The following GALNT2 variants were observed in gnomAD, a reference collection of about 807,000 sequenced individuals.
GALNT2 encodes UDP-GalNAc:polypeptide N-acetylgalactosaminyltransferase 2.
Under a neutral mutation model 81.4 loss-of-function variants are expected in GALNT2, and 31 were observed. The ratio of observed to expected loss-of-function variants is 0.38; its 90% CI spans 0.29 to 0.51. GALNT2 has a LOEUF of 0.51. Ranked by LOEUF, GALNT2 falls within the 20% of genes least tolerant of loss-of-function variation. GALNT2 has a pLI of 0.87. For synonymous variants in GALNT2, 303 were observed against 287.4 expected (o/e 1.05, Z -0.55); for missense variants, 629 against 765.7 (o/e 0.82, Z 2.11).
intron 3 of GALNT2, among the ~76,000 whole-genome samples, chr1:230,206,159 C>T (rs4846928): frequency 0.29 from 43,713 of 151,984 alleles, 8,751 homozygotes; most frequent in East Asian, 0.73. Context: ...ACTTAACTTA[C>T]CCTGTGAGCT....
At chr1:230,219,688 C>G (rs1367950169) in intron 3 of GALNT2, among the ~76,000 whole-genome samples, 1 of 152,176 alleles carries the variant, frequency 6.6e-6, no homozygotes, top group Non-Finnish European at 1.5e-5. Flanking sequence ...CTTGAGACTT[C>G]TGACGTGGAT....
At chr1:230,249,777 T>C (rs1247103679) in intron 9 of GALNT2, among the ~76,000 whole-genome samples, 1 of 152,220 alleles carries the variant, frequency 6.6e-6, no homozygotes, top group Non-Finnish European at 1.5e-5. Context: ...CTCTTCCAAG[T>C]TGGCACACGG....
intron 1 of GALNT2, among the ~76,000 whole-genome samples, chr1:230,142,249 A>C (rs536891383): frequency 1.3e-4 from 20 of 152,178 alleles, no homozygotes; most frequent in African/African-American, 4.6e-4. Context: ...AGGAAGCATA[A>C]GGGATGGCCT....
intron 8 of GALNT2, among the ~76,000 whole-genome samples, chr1:230,246,471 G>A (rs1378378826): frequency 6.6e-6 from 1 of 152,176 alleles, no homozygotes; most frequent in Non-Finnish European, 1.5e-5. Flanking sequence ...GCAGGAATCT[G>A]GGGTGAGAAG....
intron 15 of GALNT2, among the ~76,000 whole-genome samples, chr1:230,276,809 G>A (rs924700531): frequency 3.3e-5 from 5 of 152,186 alleles, no homozygotes; most frequent in Admixed American, 3.3e-4. Flanking sequence ...AGCACCGCTT[G>A]GACCCAAACC....
chr1:230,253,012 A>C (rs1170629493), intron 10 of GALNT2, among the ~76,000 whole-genome samples: 1 of 151,668 alleles, frequency 6.6e-6, no homozygotes, highest in Non-Finnish European at 1.5e-5. Context: ...GTGCCCGGCT[A>C]ATTTTTTGTA....
chr1:230,246,909 T>C (rs1665389063), intron 8 of GALNT2, among the ~76,000 whole-genome samples: 1 of 152,042 alleles, frequency 6.6e-6, no homozygotes, highest in African/African-American at 2.4e-5. Context: ...GGTTAACTGA[T>C]GGTCTAACAT....
chr1:230,267,073 G>A (rs1224137750), intron 14 of GALNT2, among the ~76,000 whole-genome samples: 1 of 152,000 alleles, frequency 6.6e-6, no homozygotes, highest in African/African-American at 2.4e-5. Context: ...CCTGATTCCC[G>A]GGCTCAGTCC....
intron 2 of GALNT2, among the ~76,000 whole-genome samples, chr1:230,195,732 G>A (rs1276502496): frequency 1.3e-5 from 2 of 152,162 alleles, no homozygotes; most frequent in Non-Finnish European, 2.9e-5. Flanking sequence ...CTTCCTGAGA[G>A]GTGCTGTGCC....
intron 1 of GALNT2, among the ~76,000 whole-genome samples, chr1:230,145,070 G>A (rs1383627682): frequency 2.0e-5 from 3 of 152,096 alleles, no homozygotes; most frequent in South Asian, 2.1e-4. Flanking sequence ...CCAGAGCTGC[G>A]TCATCTGTTT....
chr1:230,157,215 GA>G (rs1662284536), intron 1 of GALNT2, among the ~76,000 whole-genome samples: 3 of 152,184 alleles, frequency 2.0e-5, no homozygotes, highest in South Asian at 4.1e-4. Flanking sequence ...AGATGTGTGT[GA>G]ACCATTGAGC....
chr1:230,269,117 C>T (rs1254170649), intron 14 of GALNT2, among the ~76,000 whole-genome samples: 1 of 151,802 alleles, frequency 6.6e-6, no homozygotes, highest in East Asian at 1.9e-4. Flanking sequence ...TGGCCACATC[C>T]TGGGATTGCT....
intron 1 of GALNT2, among the ~76,000 whole-genome samples, chr1:230,081,494 A>T (rs201277280): frequency 2.4e-3 from 1 of 410 alleles, no homozygotes; most frequent in Non-Finnish European, 3.8e-3. Flanking sequence ...ATAGCGTGTT[A>T]ATTTGAAAAC....
chr1:230,270,016 A>G (rs1416240365), intron 14 of GALNT2, among the ~76,000 whole-genome samples: 1 of 152,176 alleles, frequency 6.6e-6, no homozygotes, highest in Non-Finnish European at 1.5e-5. Flanking sequence ...CCTGGCCAAC[A>G]TGGTGAAACC....
intron 7 of GALNT2, among the ~76,000 whole-genome samples, chr1:230,245,759 G>A (rs1350404542): frequency 4.6e-5 from 7 of 152,192 alleles, no homozygotes; most frequent in South Asian, 2.1e-4. Context: ...GCCTTTAGCT[G>A]GGTGAACTGA....
At chr1:230,167,753 C>T (rs896636857) in intron 1 of GALNT2, among the ~76,000 whole-genome samples, 6 of 152,154 alleles carry the variant, frequency 3.9e-5, no homozygotes, top group African/African-American at 1.4e-4. Context: ...AGGGCTGCAG[C>T]CTGGCCGGCT....
chr1:230,127,923 A>T (rs1381195571), intron 1 of GALNT2, among the ~76,000 whole-genome samples: 1 of 152,174 alleles, frequency 6.6e-6, no homozygotes, highest in African/African-American at 2.4e-5. Context: ...CTCCCTGTGA[A>T]GCCAGCCGCT....
chr1:230,133,454 T>C (rs1382183479), intron 1 of GALNT2, among the ~76,000 whole-genome samples: 2 of 151,288 alleles, frequency 1.3e-5, no homozygotes. Context: ...TTTTTCTTTT[T>C]TTTTTTTTTT....
At chr1:230,165,906 C>T (rs1262302751) in intron 1 of GALNT2, among the ~76,000 whole-genome samples, 1 of 152,192 alleles carries the variant, frequency 6.6e-6, no homozygotes, top group Non-Finnish European at 1.5e-5. Flanking sequence ...TGTGAATGTG[C>T]TCCACTCAGC....
Sources: allele counts gnomAD v4.1 joint callset (sites outside exome capture counted in the v4.1 genomes callset), GRCh38; gene constraint gnomAD v4.1.1; transcripts MANE v1.5; gene names NCBI Gene and HGNC (gene_info 2026-07-23, HGNC 2026-07-21).